The following UBE2J1 variants were observed in gnomAD, a reference collection of about 807,000 sequenced individuals.
UBE2J1 encodes the protein ubiquitin-conjugating enzyme E2 J1.
A neutral mutation model predicts 42.1 loss-of-function variants in UBE2J1; 17 were observed. The ratio of observed to expected loss-of-function variants is 0.40; its 90% CI spans 0.28 to 0.61. The LOEUF (loss-of-function observed/expected upper bound fraction) is 0.61, where lower values mean the gene tolerates loss of function less well. Among genes scored for constraint, UBE2J1 ranks in the 20% least tolerant of loss-of-function variants. The pLI is 0.38. For missense variants in UBE2J1, 291 were observed against 389.4 expected (o/e 0.75, Z 2.13); for synonymous variants, 127 against 137.2 (o/e 0.93, Z 0.52).
At position 89,340,020 on chromosome 6, in the gene UBE2J1, TA is replaced by T. The variant is rs202119381; in HGVS notation, c.238-1478del. Reference sequence around the variant, plus strand: ...GACAGAGTGAGACCCTATCTCAAGTTAAAAAAAAAAAAAGAATCTAAAAGAG... The same window carrying T: ...GACAGAGTGAGACCCTATCTCAAGTTAAAAAAAAAAAAGAATCTAAAAGAG... On this transcript the variant is annotated intron_variant, in intron 3 of 7. Coordinates refer to ENST00000435041, the MANE Select transcript of UBE2J1 (RefSeq NM_016021.3). Among the ~76,000 whole-genome samples the T allele has an allele frequency of 3.6e-3, 501 of 139,198 alleles. 1 individual carries two copies. Among genetic ancestry groups the T allele is most frequent in the African/African-American group, 6.2e-3 (234 of 37,560 alleles). The allele number at this position is 139,198 out of a possible 152,430, so 91.3% of individuals were successfully genotyped here.
chr6:89,330,960 C>T (rs1767998589), intron 7 of UBE2J1, among the ~76,000 whole-genome samples: 1 of 152,164 alleles, frequency 6.6e-6, no homozygotes, highest in African/African-American at 2.4e-5. Context: ...ATCTGACAGA[C>T]TGCAAGAACA....
chr6:89,338,657 GTTTTT>G (rs11300340), intron 3 of UBE2J1, 114 bp from the exon 4 acceptor site: 11 of 105,468 alleles, frequency 1.0e-4, no homozygotes, highest in Non-Finnish European at 1.5e-4. Flanking sequence ...TAAAAAGTTT[GTTTTT>G]TTTTTTTTTT....
At chr6:89,333,586 T>C (rs1288650668) in intron 6 of UBE2J1, among the ~76,000 whole-genome samples, 1 of 152,222 alleles carries the variant, frequency 6.6e-6, no homozygotes, top group African/African-American at 2.4e-5. Context: ...AATCCCACAT[T>C]AATGTAATAT....
chr6:89,340,800 G>A (rs1463749144), intron 3 of UBE2J1, among the ~76,000 whole-genome samples: 4 of 149,004 alleles, frequency 2.7e-5, no homozygotes, highest in East Asian at 2.0e-4. Flanking sequence ...ATGGAGTCTC[G>A]CTCTGTCGCC....
chr6:89,330,573 T>C (rs1288501316), intron 7 of UBE2J1, among the ~76,000 whole-genome samples: 2 of 152,152 alleles, frequency 1.3e-5, no homozygotes, highest in Non-Finnish European at 2.9e-5. Context: ...GCAGGAGGAC[T>C]GCTTGAGCCC....
At chr6:89,338,146 T>TA in intron 5 of UBE2J1, 59 bp downstream of exon 5, 1 of 1,230,686 alleles carries the variant, frequency 8.1e-7, no homozygotes, top group Non-Finnish European at 1.2e-6. Flanking sequence ...CCCTACCTCC[T>TA]AATAGCCATT....
In UBE2J1 at chr6:89,335,694, A is replaced by T. The variant is rs777313636; in HGVS notation, c.429-263T>A. 2.7e-4 allele frequency among the ~76,000 whole-genome samples: 41 copies of T among 152,226 alleles called. 1 individual carries two copies. The highest frequency in any genetic ancestry group is 5.9e-5 in the Non-Finnish European group (4 of 68,034). ...AACTATCTAAAGAAAAATAAGTTTT[A>T]CATCTATACAATGAGAAAATTGTCT... On this transcript the variant is annotated intron_variant, in intron 5 of 7. Transcript: ENST00000435041.
At chr6:89,334,041 T>C (rs1186251544) in intron 6 of UBE2J1, among the ~76,000 whole-genome samples, 1 of 152,214 alleles carries the variant, frequency 6.6e-6, no homozygotes, top group Non-Finnish European at 1.5e-5. Context: ...TCTCACTCTG[T>C]CACCCAGGCT....
In UBE2J1 at chr6:89,344,377, CCTT is replaced by C. The variant is rs371189431; in HGVS notation, c.32-624_32-622del. Among the ~76,000 whole-genome samples, 571 of 152,306 alleles carry C rather than the reference CCTT, an allele frequency of 3.7e-3. 1 individual carries two copies. Among genetic ancestry groups the C allele is most frequent in the African/African-American group, 0.013 (543 of 41,566 alleles). On this transcript the variant is annotated intron_variant, in intron 1 of 7. Transcript: ENST00000435041. ...GACTCTCCAAAGCCCCGATGAAATT[CCTT>C]CTTGAAATGATCCTTCAGCTTCACT...
chr6:89,349,226 C>CA (rs879401019), intron 1 of UBE2J1, among the ~76,000 whole-genome samples: 33 of 149,614 alleles, frequency 2.2e-4, no homozygotes, highest in Admixed American at 2.7e-4. Context: ...GACCCTGCCT[C>CA]AAAAAAAAAG....
At chr6:89,340,932 C>G (rs191832425) in intron 3 of UBE2J1, among the ~76,000 whole-genome samples, 2 of 151,352 alleles carry the variant, frequency 1.3e-5, no homozygotes, top group South Asian at 4.2e-4. Flanking sequence ...CCCGCCACCG[C>G]GCCCGGCTAA....
chr6:89,346,151 AC>A (rs1455262425), intron 1 of UBE2J1, among the ~76,000 whole-genome samples: 1 of 152,110 alleles, frequency 6.6e-6, no homozygotes, highest in African/African-American at 2.4e-5. Context: ...TGCTGAGATT[AC>A]AGGCGGGAAT....
intron 5 of UBE2J1, among the ~76,000 whole-genome samples, chr6:89,337,893 A>G (rs759809280): frequency 8.5e-5 from 13 of 152,226 alleles, no homozygotes; most frequent in Admixed American, 3.9e-4. Flanking sequence ...TTTTCCATCT[A>G]TAATGCCATA....
rs1047248572 is a variant in UBE2J1, at chr6:89,326,845, T to A, written c.*2834A>T. 1.3e-5 allele frequency: 2 copies of A among 152,284 alleles called. No homozygotes were observed. Among genetic ancestry groups the A allele is most frequent in the South Asian group, 4.1e-4 (2 of 4,832 alleles). 9.4% of individuals were successfully genotyped at this position (152,284 alleles called of 1,614,324 possible). On this transcript the variant is annotated 3_prime_UTR_variant, in exon 8 of 8. Transcript: ENST00000435041. ...AAAAACACATAGGCTTTTCAGTATTTTGGCCTAGATTTTTGTTCAAATGAG... is the reference window on the plus strand; with the variant it reads ...AAAAACACATAGGCTTTTCAGTATTATGGCCTAGATTTTTGTTCAAATGAG...
rs1035520820 is a variant in UBE2J1, at chr6:89,333,986, G to A, written c.559-781C>T. Among the ~76,000 whole-genome samples the A allele has an allele frequency of 2.4e-4, 36 of 152,072 alleles. 1 individual carries two copies. The highest frequency in any genetic ancestry group is 8.7e-4 in the African/African-American group (36 of 41,422). Reference sequence around the variant, plus strand: ...ATTAAATACTTAATACTTTACGTCTGTATGTATGTATGTATTTATTTATTT... The same window carrying A: ...ATTAAATACTTAATACTTTACGTCTATATGTATGTATGTATTTATTTATTT... On this transcript the variant is annotated intron_variant, in intron 6 of 7. Transcript: ENST00000435041.
chr6:89,350,209 T>C (rs746930988), intron 1 of UBE2J1, among the ~76,000 whole-genome samples: 1 of 152,238 alleles, frequency 6.6e-6, no homozygotes, highest in Non-Finnish European at 1.5e-5. Flanking sequence ...GCTAGTACAC[T>C]GGCCCTTAAC....
chr6:89,344,504 T>C (rs899373466), intron 1 of UBE2J1, among the ~76,000 whole-genome samples: 1 of 152,200 alleles, frequency 6.6e-6, no homozygotes, highest in Non-Finnish European at 1.5e-5. Context: ...GGAGTCCCTC[T>C]TGTACACTCC....
Position 89,329,327 on chromosome 6 carries a change from T to A in UBE2J1, c.*352A>T, listed in dbSNP as rs1277159367. 3.4e-6 allele frequency: 1 copy of A among 291,022 alleles called. No homozygotes were observed. Among genetic ancestry groups the A allele is most frequent in the African/African-American group, 2.3e-5 (1 of 43,546 alleles). The allele number at this position is 291,022 out of a possible 1,614,324, so 18.0% of individuals were successfully genotyped here. On this transcript the variant is annotated 3_prime_UTR_variant, in exon 8 of 8. Transcript: ENST00000435041. Reference sequence around the variant, plus strand: ...AGTGGTATTGAGTAACTAGTAATACTCATTGGAACTTAAAACATCATCTTT... The same window carrying A: ...AGTGGTATTGAGTAACTAGTAATACACATTGGAACTTAAAACATCATCTTT...
chr6:89,341,688 C>T (rs554307467), intron 3 of UBE2J1, among the ~76,000 whole-genome samples: 17 of 151,356 alleles, frequency 1.1e-4, no homozygotes, highest in African/African-American at 1.9e-4. Flanking sequence ...CGTGCTACTG[C>T]GCTCCAGCCT....
Sources: gnomAD v4.1 joint callset for allele counts (sites outside exome capture counted in the v4.1 genomes callset) on GRCh38, gnomAD v4.1.1 for gene constraint, MANE v1.5 for transcripts, NCBI Gene and HGNC (gene_info 2026-07-23, HGNC 2026-07-21) for gene names.